CHD1L: variants seen among roughly 807,000 people sequenced by gnomAD.
CHD1L encodes ATP-dependent chromatin remodeler CHD1L.
A neutral mutation model predicts 115.9 loss-of-function variants in CHD1L; 118 were observed. The observed-to-expected ratio is 1.02, with a 90% CI of 0.88 to 1.19. The LOEUF is 1.19. CHD1L is among the 50% of genes most tolerant of loss of function. The pLI, the probability that CHD1L is intolerant of heterozygous loss-of-function variation, is 0.00. For synonymous variants in CHD1L, 411 were observed against 387.1 expected (o/e 1.06, Z -0.72); for missense variants, 1,179 against 1,065.3 (o/e 1.11, Z -1.49).
chr1:147,226,285 G>C, the CHD1L span, among the ~76,000 whole-genome samples: 9 of 150,428 alleles, frequency 6.0e-5, no homozygotes, highest in East Asian at 5.9e-4. Flanking sequence ...CTGGATCTAA[G>C]AATCTACACT....
chr1:147,250,179 C>T (rs1438268743), intron 1 of CHD1L, among the ~76,000 whole-genome samples: 1 of 151,912 alleles, frequency 6.6e-6, no homozygotes, highest in African/African-American at 2.4e-5. Flanking sequence ...TTTATCATTA[C>T]TGCTTTAAGG....
At chr1:147,270,488 C>T (rs1454238884) in intron 10 of CHD1L, among the ~76,000 whole-genome samples, 2 of 150,490 alleles carry the variant, frequency 1.3e-5, no homozygotes, top group African/African-American at 4.9e-5. Flanking sequence ...TGACTGACCA[C>T]AGGCTTTCTT....
At chr1:147,213,332 G>A in the CHD1L span, 1 of 1,611,108 alleles carries the variant, frequency 6.2e-7, no homozygotes, top group East Asian at 2.2e-5. Context: ...AGAGGTAGAT[G>A]AGCATTGGTG....
At chr1:147,217,362 A>G in the CHD1L span, among the ~76,000 whole-genome samples, 4 of 152,206 alleles carry the variant, frequency 2.6e-5, no homozygotes, top group Non-Finnish European at 4.4e-5. Flanking sequence ...AGATTTCACA[A>G]ATGAGGAGTT....
At chr1:147,260,476 A>G in intron 6 of CHD1L, 1 of 152,226 alleles carries the variant, frequency 6.6e-6, no homozygotes, top group East Asian at 1.9e-4. Context: ...TTTCTTTTAT[A>G]TTGGAGATAG....
the CHD1L span, among the ~76,000 whole-genome samples, chr1:147,234,210 T>C: frequency 6.6e-6 from 1 of 152,120 alleles, no homozygotes; most frequent in African/African-American, 2.4e-5. Context: ...CAGCGTGGGC[T>C]CCCAGAGCTC....
intron 7 of CHD1L, 120 bp from the exon 8 acceptor site, chr1:147,265,812 C>T: frequency 2.4e-6 from 2 of 817,022 alleles, no homozygotes; most frequent in Non-Finnish European, 3.7e-6. Context: ...ATCATACTGG[C>T]CTAGAATGCA....
the CHD1L span, chr1:147,208,949 A>C: frequency 6.2e-7 from 1 of 1,614,116 alleles, no homozygotes; most frequent in Non-Finnish European, 8.5e-7. Flanking sequence ...CAGATCTTCC[A>C]TATAAAATGT....
intron 15 of CHD1L, among the ~76,000 whole-genome samples, chr1:147,280,797 T>G: frequency 6.6e-6 from 1 of 152,210 alleles, no homozygotes; most frequent in Non-Finnish European, 1.5e-5. Context: ...ACATGGTAGC[T>G]TTGTAAAGGT....
chr1:147,205,975 A>G, the CHD1L span, among the ~76,000 whole-genome samples: 2 of 152,158 alleles, frequency 1.3e-5, no homozygotes, highest in Non-Finnish European at 2.9e-5. Flanking sequence ...CAAAGTGAAC[A>G]GGCAACCTAT....
At chr1:147,266,884 T>C (rs1212746300) in intron 8 of CHD1L, among the ~76,000 whole-genome samples, 5 of 152,246 alleles carry the variant, frequency 3.3e-5, no homozygotes, top group Admixed American at 1.3e-4. Flanking sequence ...GTTAATATTT[T>C]ACTGTGCCAA....
chr1:147,176,824 A>G, the CHD1L span, among the ~76,000 whole-genome samples: 19 of 152,274 alleles, frequency 1.2e-4, no homozygotes, highest in African/African-American at 4.3e-4. Context: ...CTTTTTAGCC[A>G]TAAATTTTCT....
At chr1:147,263,451 A>G (rs1479936557) in intron 6 of CHD1L, among the ~76,000 whole-genome samples, 2 of 150,804 alleles carry the variant, frequency 1.3e-5, no homozygotes, top group Non-Finnish European at 3.0e-5. Context: ...AAAAAGATAT[A>G]CATACACAAG....
chr1:147,209,037 G>A, the CHD1L span: 5 of 1,613,726 alleles, frequency 3.1e-6, no homozygotes, highest in Non-Finnish European at 4.2e-6. Context: ...CCCCTCTCCT[G>A]GTGCTGAGGA....
At chr1:147,269,667 C>CAA (rs10649680) in intron 10 of CHD1L, among the ~76,000 whole-genome samples, 54,891 of 93,058 alleles carry the variant, frequency 0.59, 17,215 homozygotes, top group Non-Finnish European at 0.63. Context: ...GGCTCCATCT[C>CAA]AAAAAAAAAA....
At chr1:147,231,474 G>C in the CHD1L span, among the ~76,000 whole-genome samples, 2 of 152,164 alleles carry the variant, frequency 1.3e-5, no homozygotes, top group African/African-American at 2.4e-5. Flanking sequence ...TGAAAAGAAT[G>C]TATATTCTGT....
At position 147,254,889 on chromosome 1, in the gene CHD1L, A is replaced by G; in HGVS notation, c.260A>G (p.Tyr87Cys). 1.9e-6 allele frequency: 3 copies of G among 1,604,980 alleles called. No homozygotes were observed. Among genetic ancestry groups the G allele is most frequent in the Non-Finnish European group, 2.5e-6 (3 of 1,177,262 alleles). The change falls in exon 3 of 23, where the codon TAT becomes TGT. Residue 87 changes from tyrosine (Y) to cysteine (C), a missense_variant. Physicochemically the swap from Tyr to Cys is radical, Grantham distance 194. Coordinates refer to ENST00000369258, the MANE Select transcript of CHD1L (RefSeq NM_004284.6). ...KTCQTIALFI[Y>C]LAGRLNDEGP... ...TTCCAGACTATTGCTCTCTTCATTT[A>G]TTTGGCAGGAAGATTAAATGATGAA...
chr1:147,192,719 G>A, the CHD1L span, among the ~76,000 whole-genome samples: 1 of 152,138 alleles, frequency 6.6e-6, no homozygotes. Context: ...TTTTTAGCAT[G>A]AAGTGTTGTT....
the CHD1L span, among the ~76,000 whole-genome samples, chr1:147,220,979 A>G: frequency 6.6e-6 from 1 of 151,144 alleles, no homozygotes; most frequent in South Asian, 2.1e-4. Flanking sequence ...TAATGTGGAT[A>G]GTATGTACCC....
Sources: gnomAD v4.1 joint callset for allele counts (sites outside exome capture counted in the v4.1 genomes callset) on GRCh38, gnomAD v4.1.1 for gene constraint, MANE v1.5 for transcripts, NCBI Gene and HGNC (gene_info 2026-07-23, HGNC 2026-07-21) for gene names.